Variants in FGGY observed in about 807,000 individuals in gnomAD.
FGGY encodes the protein FGGY carbohydrate kinase domain containing.
FGGY carries 72 observed loss-of-function variants against 71.3 expected under a neutral mutation model. That is an observed-to-expected ratio of 1.01 (90% CI 0.84 to 1.23). FGGY has a LOEUF of 1.23. Ranked by LOEUF, FGGY falls within the 50% of genes most tolerant of loss-of-function variation. The pLI is 0.00. For missense variants in FGGY, 668 were observed against 682.3 expected (o/e 0.98, Z 0.23); for synonymous variants, 251 against 250.3 (o/e 1.00, Z -0.02).
intron 14 of FGGY, among the ~76,000 whole-genome samples, chr1:59,684,826 C>G (rs549288655): frequency 1.3e-5 from 2 of 152,308 alleles, no homozygotes; most frequent in South Asian, 4.1e-4. Context: ...TTTCTCTGAT[C>G]TCAGTTCCAT....
intron 11 of FGGY, among the ~76,000 whole-genome samples, chr1:59,639,849 G>T (rs569634497): frequency 6.6e-6 from 1 of 152,206 alleles, no homozygotes; most frequent in East Asian, 1.9e-4. Context: ...AGCATGTCAG[G>T]CTTCATGTCT....
chr1:59,704,481 C>G (rs2097737363), intron 14 of FGGY, among the ~76,000 whole-genome samples: 1 of 151,856 alleles, frequency 6.6e-6, no homozygotes, highest in Non-Finnish European at 1.5e-5. Flanking sequence ...TATTCACAGA[C>G]ATATATATAC....
intron 7 of FGGY, among the ~76,000 whole-genome samples, chr1:59,540,879 C>A (rs7549983): frequency 6.6e-6 from 1 of 152,188 alleles, no homozygotes; most frequent in African/African-American, 2.4e-5. Context: ...GGAGCAACTC[C>A]CAACTCAACA....
intron 5 of FGGY, among the ~76,000 whole-genome samples, chr1:59,390,436 G>A (rs896237152): frequency 1.1e-4 from 17 of 152,250 alleles, no homozygotes; most frequent in African/African-American, 2.9e-4. Flanking sequence ...CCAAGATGGC[G>A]GTTGAAGTTT....
intron 8 of FGGY, among the ~76,000 whole-genome samples, chr1:59,571,986 A>G (rs2095994692): frequency 6.6e-6 from 1 of 152,240 alleles, no homozygotes; most frequent in Non-Finnish European, 1.5e-5. Flanking sequence ...ACACTGGTGA[A>G]TTAGATGGCT....
intron 4 of FGGY, among the ~76,000 whole-genome samples, chr1:59,371,885 A>G (rs1167518708): frequency 6.6e-6 from 1 of 152,236 alleles, no homozygotes; most frequent in Admixed American, 6.5e-5. Flanking sequence ...AACATACCAG[A>G]ATCTCTGGGA....
chr1:59,647,006 C>T (rs1572581873), intron 11 of FGGY, among the ~76,000 whole-genome samples: 1 of 152,006 alleles, frequency 6.6e-6, no homozygotes, highest in Non-Finnish European at 1.5e-5. Flanking sequence ...TTTATCTTTC[C>T]TATATACACT....
intron 14 of FGGY, among the ~76,000 whole-genome samples, chr1:59,717,503 A>G (rs1046882099): frequency 6.6e-6 from 1 of 152,156 alleles, no homozygotes; most frequent in African/African-American, 2.4e-5. Flanking sequence ...AAAGACAGGA[A>G]GGAGGAAATC....
At chr1:59,529,755 G>T (rs538771499) in intron 7 of FGGY, among the ~76,000 whole-genome samples, 1 of 152,252 alleles carries the variant, frequency 6.6e-6, no homozygotes, top group Admixed American at 6.5e-5. Context: ...TTTTAAGCAT[G>T]GCTTTATATA....
rs1191897871 is a variant in FGGY at position 59,668,879 on chromosome 1, T to A, written c.1417+1476T>A. Among the ~76,000 whole-genome samples, 3 of 149,720 alleles carry A rather than the reference T, an allele frequency of 2.0e-5. No individual in the cohort carries two copies. In the East Asian group the frequency reaches 5.9e-4, roughly 30 times the overall value. On this transcript the variant is annotated intron_variant, in intron 13 of 15. Coordinates refer to ENST00000303721, the MANE Select transcript of FGGY (RefSeq NM_018291.5). ...GGTGGCGCATGCCTGTAATCCCAGC[T>A]ACTGGGGAGGCTGAGGCAGGAGAAT...
intron 14 of FGGY, among the ~76,000 whole-genome samples, chr1:59,743,115 A>G (rs1173235424): frequency 6.6e-6 from 1 of 152,050 alleles, no homozygotes; most frequent in Non-Finnish European, 1.5e-5. Flanking sequence ...TTCATCTCCT[A>G]TATGCTTTCC....
At chr1:59,309,712 T>C (rs2043961444) in intron 1 of FGGY, among the ~76,000 whole-genome samples, 2 of 152,000 alleles carry the variant, frequency 1.3e-5, no homozygotes, top group African/African-American at 4.8e-5. Flanking sequence ...GTGGTGGCTC[T>C]TGCCTGTAAT....
At chr1:59,657,344 G>A (rs1380713421) in intron 11 of FGGY, among the ~76,000 whole-genome samples, 1 of 152,200 alleles carries the variant, frequency 6.6e-6, no homozygotes, top group African/African-American at 2.4e-5. Context: ...GGAAGCCAAA[G>A]GGAGGCAGCC....
At chr1:59,718,994 A>G (rs1389686582) in intron 14 of FGGY, among the ~76,000 whole-genome samples, 1 of 151,796 alleles carries the variant, frequency 6.6e-6, no homozygotes, top group East Asian at 1.9e-4. Flanking sequence ...GGGTACTTAT[A>G]CCTCTTTTGT....
rs996059685 is a variant in FGGY at position 59,457,408 on chromosome 1, G to A, written c.670+332G>A. On this transcript the variant is annotated intron_variant, in intron 6 of 15. Coordinates refer to ENST00000303721, the MANE Select transcript of FGGY (RefSeq NM_018291.5). ...GCAGATTGCTTGAGCCCAGGAGTTC[G>A]GGACCAGTCTGGGCAACATGGTAAA... Among the ~76,000 whole-genome samples the A allele has an allele frequency of 4.6e-5, 7 of 152,100 alleles. No homozygotes were observed. The East Asian group carries it at 7.7e-4, about 17-fold the overall frequency.
At chr1:59,547,950 G>A (rs1451057932) in intron 7 of FGGY, among the ~76,000 whole-genome samples, 1 of 152,194 alleles carries the variant, frequency 6.6e-6, no homozygotes. Context: ...GTGAGCTACT[G>A]CAGTGTGAAG....
intron 8 of FGGY, among the ~76,000 whole-genome samples, chr1:59,593,450 G>A (rs2096482155): frequency 6.6e-6 from 1 of 152,128 alleles, no homozygotes; most frequent in Non-Finnish European, 1.5e-5. Context: ...GCCTGTCTTT[G>A]GGCAAGTTAC....
chr1:59,389,920 G>A (rs1275550141), intron 5 of FGGY, among the ~76,000 whole-genome samples: 1 of 152,134 alleles, frequency 6.6e-6, no homozygotes, highest in Non-Finnish European at 1.5e-5. Flanking sequence ...CCCAGGGAGT[G>A]TCATAAAATT....
intron 3 of FGGY, among the ~76,000 whole-genome samples, chr1:59,341,334 A>G (rs1170189658): frequency 6.6e-6 from 1 of 152,206 alleles, no homozygotes; most frequent in African/African-American, 2.4e-5. Context: ...ACTACTGTGG[A>G]CCTAATGTAT....
Sources: gnomAD v4.1 joint callset for allele counts (sites outside exome capture counted in the v4.1 genomes callset) on GRCh38, gnomAD v4.1.1 for gene constraint, MANE v1.5 for transcripts, NCBI Gene and HGNC (gene_info 2026-07-23, HGNC 2026-07-21) for gene names.